The following THAP6 variants were observed in gnomAD, a reference collection of about 807,000 sequenced individuals.
THAP6 encodes THAP domain containing 6, also known as THAP domain-containing protein 6.
In THAP6, 13 loss-of-function variants were observed where a neutral mutation model predicts 20.0. The observed-to-expected ratio is 0.65, with a 90% CI of 0.42 to 1.03. The LOEUF is 1.03. THAP6 is among the 50% of genes least tolerant of loss of function. The pLI, the probability that THAP6 is intolerant of heterozygous loss-of-function variation, is 0.00. For synonymous variants in THAP6, 93 were observed against 92.2 expected (o/e 1.01, Z -0.05); for missense variants, 262 against 261.6 (o/e 1.00, Z -0.01).
rs774399508 is a variant in THAP6 at position 75,529,553 on chromosome 4, C to G, written c.*2339C>G. 3 of 985,342 alleles carry G rather than the reference C, an allele frequency of 3.0e-6. No homozygotes were observed. Among genetic ancestry groups the G allele is most frequent in the Non-Finnish European group, 2.4e-6 (2 of 829,964 alleles). The allele number at this position is 985,342 out of a possible 1,614,324, so 61.0% of individuals were successfully genotyped here. Reference sequence around the variant, plus strand: ...AATGTGAGATTAAAAATAGGGTCCTCCCTGCTGCTCCAAACAAATGCCTAA... The same window carrying G: ...AATGTGAGATTAAAAATAGGGTCCTGCCTGCTGCTCCAAACAAATGCCTAA... On this transcript the variant is annotated 3_prime_UTR_variant, in exon 5 of 5. Transcript: ENST00000311638.
At chr4:75,538,142 G>A (rs1726913340) in intron 2 of THAP6, among the ~76,000 whole-genome samples, 1 of 152,202 alleles carries the variant, frequency 6.6e-6, no homozygotes. Flanking sequence ...AGCTTGTTAT[G>A]ATGAGCCAGG....
intron 3 of THAP6, among the ~76,000 whole-genome samples, chr4:75,519,730 G>A (rs1725893460): frequency 6.6e-6 from 1 of 151,670 alleles, no homozygotes; most frequent in Non-Finnish European, 1.5e-5. Context: ...GTCTATCATT[G>A]TTGGACATTT....
rs1726567842 is a variant in THAP6, at chr4:75,529,198, CCCT to C, written c.*1985_*1987del. 1 of 984,238 alleles carries C rather than the reference CCCT, an allele frequency of 1.0e-6. No homozygotes were observed. The highest frequency in any genetic ancestry group is 6.2e-5 in the Admixed American group (1 of 16,258). 61.0% of individuals were successfully genotyped at this position (984,238 alleles called of 1,614,324 possible). A position where few individuals can be genotyped will look rare whatever the true frequency, so the allele number is the denominator to read the frequency against. ...TTCAATAGAGATTATTTTTCCCTCA[CCCT>C]ATTTGTGAATATATAAATTAAAGTA... is the stretch of plus-strand genomic sequence containing the variant. On this transcript the variant is annotated 3_prime_UTR_variant, in exon 5 of 5. Coordinates refer to ENST00000311638, the MANE Select transcript of THAP6 (RefSeq NM_144721.6).
At chr4:75,532,561 G>A (rs371901038), downstream of THAP6, among the ~76,000 whole-genome samples, 3 of 152,332 alleles carry the variant, frequency 2.0e-5, no homozygotes, top group East Asian at 3.9e-4. Flanking sequence ...TCTGTGTGGG[G>A]GTTCCAACTC....
At chr4:75,523,366 A>G (rs1726154220) in intron 4 of THAP6, among the ~76,000 whole-genome samples, 2 of 152,140 alleles carry the variant, frequency 1.3e-5, no homozygotes, top group South Asian at 2.1e-4. Context: ...TGTCAGATGG[A>G]TAGTTTGCAA....
intron 3 of THAP6, chr4:75,517,627 A>G (rs1274386583): frequency 1.3e-5 from 2 of 152,286 alleles, no homozygotes; most frequent in African/African-American, 4.8e-5. Context: ...GGCAGAAGTC[A>G]GGAGTAGAAC....
At chr4:75,538,296 T>C (rs934858621) in intron 2 of THAP6, among the ~76,000 whole-genome samples, 1 of 151,616 alleles carries the variant, frequency 6.6e-6, no homozygotes. Flanking sequence ...ATTACGTACA[T>C]GACCCAGATT....
At position 75,520,235 on chromosome 4, in the gene THAP6, T is replaced by C. The variant is rs370638152; in HGVS notation, c.289-1501T>C. The stretch of plus-strand genomic sequence containing the variant: ...TTGTAGATTCTGGATATTAGCCCTT[T>C]GTCAGATGAGTAGGTTGCGAAAATT... On this transcript the variant is annotated intron_variant, in intron 3 of 4. Transcript: ENST00000311638. 3.9e-5 allele frequency among the ~76,000 whole-genome samples: 6 copies of C among 152,314 alleles called. No homozygotes were observed. The East Asian group carries it at 1.2e-3, about 29-fold the overall frequency.
exon 3 of THAP6, chr4:75,542,448 A>T (rs1727030505): frequency 1.4e-6 from 1 of 702,300 alleles, no homozygotes; most frequent in Admixed American, 2.0e-5. Context: ...CAAGGCAAAA[A>T]ATTATTTCTC....
At chr4:75,516,087 C>T (rs1725599761) in intron 2 of THAP6, among the ~76,000 whole-genome samples, 1 of 152,290 alleles carries the variant, frequency 6.6e-6, no homozygotes, top group Admixed American at 6.5e-5. Context: ...TATTTTGCTG[C>T]TTTTGTGCCA....
At chr4:75,545,754 T>C (rs990111809) in intron 3 of THAP6, among the ~76,000 whole-genome samples, 1 of 152,216 alleles carries the variant, frequency 6.6e-6, no homozygotes, top group Non-Finnish European at 1.5e-5. Flanking sequence ...TCCGCAGTTG[T>C]GACCACAGAT....
At chr4:75,514,055 A>G (rs947992497), upstream of THAP6, 3 of 1,348,878 alleles carry the variant, frequency 2.2e-6, no homozygotes, top group African/African-American at 2.9e-5. Flanking sequence ...GTTCTCCTCA[A>G]GAAGAACCCA....
upstream of THAP6, chr4:75,514,259 C>T: frequency 1.2e-6 from 2 of 1,612,810 alleles, no homozygotes; most frequent in Middle Eastern, 1.7e-4. Context: ...TGACCGCTGG[C>T]GCCATCTTCC....
At chr4:75,542,604 G>A (rs1727035297) in intron 3 of THAP6, 1 of 584,426 alleles carries the variant, frequency 1.7e-6, no homozygotes, top group Admixed American at 2.9e-5. Flanking sequence ...ATTAAACAGA[G>A]AAAAGCTAGG....
At chr4:75,531,782 T>A (rs1250198419), downstream of THAP6, among the ~76,000 whole-genome samples, 6 of 147,518 alleles carry the variant, frequency 4.1e-5, no homozygotes, top group Non-Finnish European at 7.5e-5. Flanking sequence ...AAACTCCCCT[T>A]TTTTTTTTTT....
In THAP6 at chr4:75,528,406, C is replaced by T. The variant is rs1726509602; in HGVS notation, c.*1192C>T. On this transcript the variant is annotated 3_prime_UTR_variant, in exon 5 of 5. Transcript: ENST00000311638. ...AACCATTTGCCAAAGCAACACTCTA[C>T]TTAGAAGCACATGTACATACATGGA... is the stretch of plus-strand genomic sequence containing the variant. The T allele has an allele frequency of 5.1e-6, 5 of 985,410 alleles. No individual in the cohort carries two copies. Among genetic ancestry groups the T allele is most frequent in the Non-Finnish European group, 2.4e-6 (2 of 829,924 alleles). The allele number at this position is 985,410 out of a possible 1,614,324, so 61.0% of individuals were successfully genotyped here.
At position 75,528,977 on chromosome 4, in the gene THAP6, C is replaced by A; in HGVS notation, c.*1763C>A. On this transcript the variant is annotated 3_prime_UTR_variant, in exon 5 of 5. Transcript: ENST00000311638. ...CTGAGGCAGGAGAATTGCTTGAACC[C>A]GGGAGGCGGAGATTGCAGTGAGCCA... 2.0e-6 allele frequency: 1 copy of A among 491,726 alleles called. No homozygotes were observed. The highest frequency in any genetic ancestry group is 2.6e-6 in the Non-Finnish European group (1 of 379,274). The allele number at this position is 491,726 out of a possible 1,614,324, so 30.5% of individuals were successfully genotyped here. A position where few individuals can be genotyped will look rare whatever the true frequency, so the allele number is the denominator to read the frequency against.
intron 3 of THAP6, among the ~76,000 whole-genome samples, chr4:75,520,912 A>T (rs927711257): frequency 3.9e-5 from 6 of 151,938 alleles, no homozygotes; most frequent in African/African-American, 1.5e-4. Flanking sequence ...ATGTTTTTTC[A>T]TGTGTTTATT....
Position 75,527,455 on chromosome 4 carries a change from T to TA in THAP6, c.*241_*242insA. 7.8e-7 allele frequency: 1 copy of TA among 1,281,102 alleles called. No homozygotes were observed. Among genetic ancestry groups the TA allele is most frequent in the Middle Eastern group, 3.1e-4 (1 of 3,254 alleles). 79.4% of individuals were successfully genotyped at this position (1,281,102 alleles called of 1,614,324 possible). On this transcript the variant is annotated 3_prime_UTR_variant, in exon 5 of 5. Transcript: ENST00000311638. ...ACCTACACTAGTGCCAGGTCACTAT[T>TA]GTAAGATGTTAAAATCTCAAGAAAA...
Sources: gnomAD v4.1 joint callset for allele counts (sites outside exome capture counted in the v4.1 genomes callset) on GRCh38, gnomAD v4.1.1 for gene constraint, MANE v1.5 for transcripts, NCBI Gene and HGNC (gene_info 2026-07-23, HGNC 2026-07-21) for gene names.